The following CUX1 variants were observed in gnomAD, a reference collection of about 807,000 sequenced individuals.
CUX1 encodes the protein cut like homeobox 1.
Under a neutral mutation model 158.8 loss-of-function variants are expected in CUX1, and 31 were observed. The ratio of observed to expected loss-of-function variants is 0.20; its 90% CI spans 0.15 to 0.26. The LOEUF (loss-of-function observed/expected upper bound fraction) is 0.26, where lower values mean the gene tolerates loss of function less well. Ranked by LOEUF, CUX1 falls within the 10% of genes least tolerant of loss-of-function variation. The pLI is 1.00. For missense variants in CUX1, 1,589 were observed against 2,014.6 expected (o/e 0.79, Z 4.04); for synonymous variants, 879 against 862.1 (o/e 1.02, Z -0.34).
Position 102,249,299 on chromosome 7 carries a change from C to CAGACCCAGCCCGCGGCCT in CUX1, c.*258_*275dup. On this transcript the variant is annotated 3_prime_UTR_variant, in exon 24 of 24. Transcript: ENST00000292535. ...TGCGGCCTCCACCAACCCCGCGGCC[C>CAGACCCAGCCCGCGGCCT]AGACCCAGCCCGCGGCCTGGACCCC... The CAGACCCAGCCCGCGGCCT allele has an allele frequency of 1.9e-6, 2 of 1,037,466 alleles. No individual in the cohort carries two copies. The allele number at this position is 1,037,466 out of a possible 1,614,324, so 64.3% of individuals were successfully genotyped here. A position where few individuals can be genotyped will look rare whatever the true frequency, so the allele number is the denominator to read the frequency against.
In CUX1 at chr7:101,966,754, G is replaced by A. The variant is rs529577257; in HGVS notation, c.141+50529G>A. On this transcript the variant is annotated intron_variant, in intron 2 of 23. Coordinates refer to ENST00000292535, the MANE Select transcript of CUX1 (RefSeq NM_181552.4). The stretch of plus-strand genomic sequence containing the variant: ...GTGCTTCTTGAGGGTCGTTACCCAC[G>A]GTCTGTATCTCCCTATATTCACCAA... Among the ~76,000 whole-genome samples, 23 of 152,214 alleles carry A rather than the reference G, an allele frequency of 1.5e-4. No individual in the cohort carries two copies. In the East Asian group the frequency reaches 3.5e-3, roughly 23 times the overall value.
intron 2 of CUX1, among the ~76,000 whole-genome samples, chr7:101,943,641 G>C (rs1230316339): frequency 6.6e-6 from 1 of 151,280 alleles, no homozygotes; most frequent in East Asian, 1.9e-4. Context: ...GCCACAAGTA[G>C]GTTGGGAACA....
At chr7:102,224,899 A>G (rs1328865567) in intron 20 of CUX1, among the ~76,000 whole-genome samples, 5 of 152,152 alleles carry the variant, frequency 3.3e-5, no homozygotes, top group Non-Finnish European at 7.3e-5. Flanking sequence ...CTGAAGAGAA[A>G]TCTGTTTATC....
At chr7:101,817,377 C>T (rs970105103), upstream of CUX1, 59 of 984,566 alleles carry the variant, frequency 6.0e-5, no homozygotes, top group Non-Finnish European at 7.0e-5. The surrounding 1 kb of genome is among the most constrained non-coding windows in gnomAD (Gnocchi z 4.1). Flanking sequence ...GATGCCTTCT[C>T]GGGCCGGGTT....
intron 4 of CUX1, among the ~76,000 whole-genome samples, chr7:102,073,189 T>TTTTTTTTTTTG (rs1554475486): frequency 7.7e-6 from 1 of 129,734 alleles, no homozygotes; most frequent in African/African-American, 3.0e-5. Flanking sequence ...TTTTTTTTTT[T>TTTTTTTTTTTG]CTGAGACAGA....
intron 1 of CUX1, among the ~76,000 whole-genome samples, chr7:101,891,377 C>T (rs1371797595): frequency 1.3e-5 from 2 of 152,134 alleles, no homozygotes; most frequent in Non-Finnish European, 2.9e-5. Flanking sequence ...CACCACCAGG[C>T]CCAGCTGACT....
intron 23 of CUX1, among the ~76,000 whole-genome samples, chr7:102,245,649 C>A (rs1475209443): frequency 2.0e-5 from 3 of 152,164 alleles, no homozygotes; most frequent in Non-Finnish European, 4.4e-5. Flanking sequence ...AGATACCATT[C>A]TCCACATTTT....
At chr7:101,861,039 C>A (rs1373003188) in intron 1 of CUX1, among the ~76,000 whole-genome samples, 2 of 152,110 alleles carry the variant, frequency 1.3e-5, no homozygotes, top group African/African-American at 4.8e-5. Context: ...TGCCTCAGGC[C>A]CCCAAAGTGC....
At chr7:102,004,351 G>T (rs905085233) in intron 2 of CUX1, among the ~76,000 whole-genome samples, 15 of 152,176 alleles carry the variant, frequency 9.9e-5, no homozygotes, top group African/African-American at 3.6e-4. Flanking sequence ...GCCCTGACCT[G>T]GTGGTGGAAT....
chr7:102,179,108 C>T (rs1554513171), intron 11 of CUX1, among the ~76,000 whole-genome samples: 1 of 151,982 alleles, frequency 6.6e-6, no homozygotes, highest in Non-Finnish European at 1.5e-5. Context: ...AGTGCAATGG[C>T]ATGATCTGGG....
chr7:101,988,998 A>T (rs543699210), intron 2 of CUX1, among the ~76,000 whole-genome samples: 35 of 146,184 alleles, frequency 2.4e-4, no homozygotes, highest in East Asian at 9.8e-4. Context: ...TGTCTCAAAA[A>T]AAAAATAATA....
At chr7:101,943,541 G>A (rs1807981176) in intron 2 of CUX1, among the ~76,000 whole-genome samples, 2 of 152,018 alleles carry the variant, frequency 1.3e-5, no homozygotes, top group Admixed American at 6.6e-5. Flanking sequence ...CTTGGTGTTC[G>A]CTCTCAAATG....
At chr7:102,019,212 A>C (rs1411282704) in intron 2 of CUX1, among the ~76,000 whole-genome samples, 2 of 150,798 alleles carry the variant, frequency 1.3e-5, no homozygotes, top group Non-Finnish European at 1.5e-5. Flanking sequence ...ACTTTTCAAC[A>C]TCAGACAAGT....
intron 8 of CUX1, among the ~76,000 whole-genome samples, chr7:102,129,825 C>T (rs201525): frequency 0.21 from 31,798 of 152,042 alleles, 3,486 homozygotes; most frequent in Middle Eastern, 0.3. Flanking sequence ...GGTGGCGGCC[C>T]GCATTGGAGA....
chr7:102,246,828 C>T (rs188999482), intron 23 of CUX1, among the ~76,000 whole-genome samples: 4 of 152,328 alleles, frequency 2.6e-5, no homozygotes, highest in Non-Finnish European at 5.9e-5. Context: ...CCTCAGCCTC[C>T]CAAAGTGCTG....
intron 8 of CUX1, among the ~76,000 whole-genome samples, chr7:102,158,023 C>G (rs576476937): frequency 1.3e-5 from 2 of 152,288 alleles, no homozygotes; most frequent in African/African-American, 4.8e-5. Flanking sequence ...CTCCTCACCT[C>G]CAGTTGGCCA....
chr7:102,082,025 G>T (rs573719573), intron 4 of CUX1, among the ~76,000 whole-genome samples: 1 of 146,514 alleles, frequency 6.8e-6, no homozygotes, highest in Non-Finnish European at 1.5e-5. Context: ...TAGCCAGGCT[G>T]TCAGTAAGTC....
chr7:102,068,603 G>A (rs1825805213), intron 3 of CUX1, among the ~76,000 whole-genome samples: 1 of 152,194 alleles, frequency 6.6e-6, no homozygotes, highest in Non-Finnish European at 1.5e-5. Context: ...CCAGTTCTGA[G>A]CGCCCCACAT....
At chr7:102,050,887 T>C (rs1823413862) in intron 3 of CUX1, among the ~76,000 whole-genome samples, 1 of 151,960 alleles carries the variant, frequency 6.6e-6, no homozygotes, top group Admixed American at 6.6e-5. Flanking sequence ...TGAATTCTAT[T>C]TCCCTAACCT....
Sources: gnomAD v4.1 joint callset for allele counts (sites outside exome capture counted in the v4.1 genomes callset) on GRCh38, gnomAD v4.1.1 for gene constraint, Gnocchi (gnomAD v3.1) non-coding constraint, MANE v1.5 for transcripts, NCBI Gene and HGNC (gene_info 2026-07-23, HGNC 2026-07-21) for gene names.